GOLGA4: variants seen among roughly 807,000 people sequenced by gnomAD.
The protein encoded by GOLGA4 is golgin A4, also known as golgin subfamily A member 4.
Under a neutral mutation model 265.9 loss-of-function variants are expected in GOLGA4, and 169 were observed. The observed-to-expected ratio is 0.64, with a 90% CI of 0.56 to 0.72. The LOEUF is 0.72. GOLGA4 is among the 30% of genes least tolerant of loss of function. The pLI is 0.00. For missense variants in GOLGA4, 2,482 were observed against 2,483.4 expected (o/e 1.00, Z 0.01); for synonymous variants, 923 against 855.8 (o/e 1.08, Z -1.37).
In GOLGA4 at chr3:37,315,140, A is replaced by G. The variant is rs533972183; in HGVS notation, c.1235-280A>G. ...CCATAAGGAAACTGGTAGAGAATGG[A>G]GAGCCTTCAGTAATTTATTTTTTCC... On this transcript the variant is annotated intron_variant, in intron 10 of 23. Transcript: ENST00000361924. 2.0e-5 allele frequency among the ~76,000 whole-genome samples: 3 copies of G among 152,306 alleles called. No individual in the cohort carries two copies. The East Asian group carries it at 5.8e-4, about 29-fold the overall frequency.
intron 2 of GOLGA4, among the ~76,000 whole-genome samples, chr3:37,270,317 TGCCTCA>T (rs895653982): frequency 4.0e-5 from 6 of 150,736 alleles, no homozygotes; most frequent in African/African-American, 1.5e-4. Context: ...GCGATTCTCC[TGCCTCA>T]GCCTCCCGAG....
At chr3:37,322,704 C>T (rs1005227967) in intron 13 of GOLGA4, among the ~76,000 whole-genome samples, 2 of 152,048 alleles carry the variant, frequency 1.3e-5, no homozygotes, top group Non-Finnish European at 2.9e-5. Flanking sequence ...TTCCTTAGGA[C>T]CCTAGGACCT....
rs927241194 is a variant in GOLGA4 at position 37,327,619 on chromosome 3, T to C, written c.5733T>C (p.His1911=). The C allele has an allele frequency of 6.2e-7, 1 of 1,613,228 alleles. No homozygotes were observed. The highest frequency in any genetic ancestry group is 1.3e-5 in the African/African-American group (1 of 74,886). Residue 1911 remains histidine, a synonymous_variant, in exon 14 of 24, where the codon CAT becomes CAC. Transcript: ENST00000361924. The part of the protein sequence containing the change: ...EENTEEKSKS[H]LVQPKLLSNM... The stretch of plus-strand genomic sequence containing the variant: ...ACACTGAAGAAAAGTCCAAATCACA[T>C]TTGGTCCAACCCAAATTGCTTAGTA...
intron 22 of GOLGA4, among the ~76,000 whole-genome samples, chr3:37,356,437 TG>T (rs2097091281): frequency 6.6e-6 from 1 of 152,314 alleles, no homozygotes; most frequent in African/African-American, 2.4e-5. Flanking sequence ...CTGAGGCATT[TG>T]CTATTATTTT....
At chr3:37,296,617 C>T (rs1018899774) in intron 7 of GOLGA4, among the ~76,000 whole-genome samples, 5 of 152,156 alleles carry the variant, frequency 3.3e-5, no homozygotes, top group African/African-American at 7.2e-5. Context: ...ATTGCCTAGG[C>T]TGGAGTGCAG....
At position 37,346,728 on chromosome 3, in the gene GOLGA4, T is replaced by A. The variant is rs529251471; in HGVS notation, c.6473-465T>A. Among the ~76,000 whole-genome samples, 12 of 152,340 alleles carry A rather than the reference T, an allele frequency of 7.9e-5. No homozygotes were observed. The East Asian group carries it at 1.7e-3, about 22-fold the overall frequency. ...CTATGTTACAAAGTTTTAAAAGCAGTGCCAAATTGTCATCTGTAGTGCTTG... is the reference window on the plus strand; with the variant it reads ...CTATGTTACAAAGTTTTAAAAGCAGAGCCAAATTGTCATCTGTAGTGCTTG... On this transcript the variant is annotated intron_variant, in intron 20 of 23. Transcript: ENST00000361924.
rs1252104061 is a variant in GOLGA4, at chr3:37,256,896, G to A, written c.162+5412G>A. Reference sequence around the variant, plus strand: ...GCTGGCCTCCAACTCCTGGGCTCAAGGGACCCTGATTTTTTTTTTTTAATT... The same window carrying A: ...GCTGGCCTCCAACTCCTGGGCTCAAAGGACCCTGATTTTTTTTTTTTAATT... On this transcript the variant is annotated intron_variant, in intron 2 of 23. Coordinates refer to ENST00000361924, the MANE Select transcript of GOLGA4 (RefSeq NM_002078.5). Among the ~76,000 whole-genome samples the A allele has an allele frequency of 2.6e-5, 4 of 151,960 alleles. No homozygotes were observed. The East Asian group carries it at 7.7e-4, about 29-fold the overall frequency.
rs774482115 is a variant in GOLGA4, at chr3:37,296,112, G to A, written c.707G>A (p.Arg236Gln). 99 of 1,613,658 alleles carry A rather than the reference G, an allele frequency of 6.1e-5. No individual in the cohort carries two copies. Among genetic ancestry groups the A allele is most frequent in the Admixed American group, 3.2e-4 (19 of 59,990 alleles). Residue 236 changes from arginine to glutamine, a missense_variant, in exon 7 of 24, where the codon CGA becomes CAA. By Grantham distance (43) the Arg-to-Gln change is conservative. Around this residue, in one of 3 missense-constraint regions of GOLGA4, gnomAD observed 1,536 missense variants for 1,483.7 expected, o/e 1.04. Transcript: ENST00000361924. Reference protein sequence around the residue: ...TQVSLLKQRLRNGPMNVDVLK... With the variant: ...TQVSLLKQRLQNGPMNVDVLK... ...GTTTCTCTACTGAAACAACGATTAC[G>A]AAATGGCCCGATGAATGTTGATGTA...
At chr3:37,263,373 C>G (rs1267830951) in intron 2 of GOLGA4, among the ~76,000 whole-genome samples, 3 of 152,104 alleles carry the variant, frequency 2.0e-5, no homozygotes, top group Non-Finnish European at 4.4e-5. Flanking sequence ...TTTTTAGTTT[C>G]TGTCTCTAGT....
At chr3:37,328,262 A>ACTCACTCT (rs2096978421) in intron 14 of GOLGA4, among the ~76,000 whole-genome samples, 154 bp from the exon 15 acceptor site, 1 of 143,564 alleles carries the variant, frequency 7.0e-6, no homozygotes, top group Non-Finnish European at 1.6e-5. Context: ...ACACACACAC[A>ACTCACTCT]CACACACTCA....
chr3:37,343,806 T>G (rs1036158023), intron 20 of GOLGA4, among the ~76,000 whole-genome samples: 7 of 152,200 alleles, frequency 4.6e-5, no homozygotes, highest in Non-Finnish European at 8.8e-5. Context: ...ATAAAGGAAG[T>G]TGTGTAATTC....
intron 1 of GOLGA4, among the ~76,000 whole-genome samples, chr3:37,244,692 A>G (rs925088207): frequency 6.6e-6 from 1 of 152,356 alleles, no homozygotes; most frequent in South Asian, 2.1e-4. Flanking sequence ...TTCTGAAACT[A>G]TAAATTGAAG....
intron 10 of GOLGA4, among the ~76,000 whole-genome samples, chr3:37,304,753 A>G (rs949424824): frequency 6.6e-6 from 1 of 152,090 alleles, no homozygotes; most frequent in South Asian, 2.1e-4. Flanking sequence ...TGCGGATAAA[A>G]TTTTCTGGTA....
intron 19 of GOLGA4, among the ~76,000 whole-genome samples, chr3:37,338,820 T>C (rs1390725746): frequency 1.3e-5 from 2 of 151,876 alleles, no homozygotes; most frequent in African/African-American, 2.4e-5. Context: ...GGGTATTTCA[T>C]ATAAATGGAA....
rs1335758796 is a variant in GOLGA4, at chr3:37,315,432, T to C, written c.1247T>C (p.Leu416Pro). 1 of 1,610,606 alleles carries C rather than the reference T, an allele frequency of 6.2e-7. No homozygotes were observed. Among genetic ancestry groups the C allele is most frequent in the African/African-American group, 1.3e-5 (1 of 74,494 alleles). ...EKSERAAFEE[L>P]EKALSTAQKT... ...GTTTTCATTATAGCTTTTGAGGAAC[T>C]TGAAAAAGCTTTGAGTACAGCCCAA... The change falls in exon 11 of 24, where the codon CTT becomes CCT. Residue 416 changes from leucine (L) to proline (P), a missense_variant. This residue lies in a region of GOLGA4 where 1,536 missense variants were observed against 1,483.7 expected (regional missense o/e 1.04). Coordinates refer to ENST00000361924, the MANE Select transcript of GOLGA4 (RefSeq NM_002078.5).
At chr3:37,251,174 G>GA (rs766847190) in intron 1 of GOLGA4, among the ~76,000 whole-genome samples, 2 of 152,148 alleles carry the variant, frequency 1.3e-5, no homozygotes, top group African/African-American at 2.4e-5. Flanking sequence ...ATGTAGCTAA[G>GA]ATCATAGTTC....
At position 37,245,881 on chromosome 3, in the gene GOLGA4, G is replaced by T. The variant is rs543513938; in HGVS notation, c.72+2259G>T. Among the ~76,000 whole-genome samples the T allele has an allele frequency of 3.3e-5, 5 of 151,992 alleles. 1 individual carries two copies. In the South Asian group the frequency reaches 1.0e-3, roughly 32 times the overall value. On this transcript the variant is annotated intron_variant, in intron 1 of 23. Transcript: ENST00000361924. ...GCCTGGCCATTCGTGGTCTACTTTT[G>T]ATAATTATTTTGTAACCTTTCTTTC... is the stretch of plus-strand genomic sequence containing the variant.
intron 17 of GOLGA4, among the ~76,000 whole-genome samples, chr3:37,336,735 C>T (rs1325127387): frequency 6.6e-6 from 1 of 151,794 alleles, no homozygotes; most frequent in East Asian, 1.9e-4. Flanking sequence ...TGCCATTGCA[C>T]TCCACCCTGG....
chr3:37,273,368 A>G (rs967347378), intron 2 of GOLGA4, among the ~76,000 whole-genome samples: 15 of 152,254 alleles, frequency 9.9e-5, no homozygotes, highest in Admixed American at 8.5e-4. Flanking sequence ...TTACCATACT[A>G]CAATAGTTTT....
Sources: allele counts gnomAD v4.1 joint callset (sites outside exome capture counted in the v4.1 genomes callset), GRCh38; gene constraint gnomAD v4.1.1; regional missense constraint gnomAD v4.1.1; transcripts MANE v1.5; gene names NCBI Gene and HGNC (gene_info 2026-07-23, HGNC 2026-07-21).